The following KIF15 variants were observed in gnomAD, a reference collection of about 807,000 sequenced individuals.
KIF15 encodes the protein kinesin-like protein KIF15.
A neutral mutation model predicts 190.6 loss-of-function variants in KIF15; 140 were observed. The ratio of observed to expected loss-of-function variants is 0.73; its 90% CI spans 0.64 to 0.84. The LOEUF (loss-of-function observed/expected upper bound fraction) is 0.84, where lower values mean the gene tolerates loss of function less well. KIF15 is among the 40% of genes least tolerant of loss of function. The probability of loss-of-function intolerance (pLI) is 0.00; values close to 1 mark genes in which losing one functional copy is unlikely to be tolerated. For missense variants in KIF15, 1,372 were observed against 1,584.4 expected (o/e 0.87, Z 2.28); for synonymous variants, 528 against 551.3 (o/e 0.96, Z 0.59).
intron 2 of KIF15, among the ~76,000 whole-genome samples, chr3:44,774,894 G>A (rs962461183): frequency 6.6e-6 from 1 of 152,170 alleles, no homozygotes; most frequent in African/African-American, 2.4e-5. Flanking sequence ...GAGGTCAGGA[G>A]TTCAAGATCA....
At chr3:44,845,403 G>T (rs1027926545) in intron 30 of KIF15, among the ~76,000 whole-genome samples, 1 of 152,076 alleles carries the variant, frequency 6.6e-6, no homozygotes, top group Non-Finnish European at 1.5e-5. Context: ...AATGATGGAA[G>T]CAGTTTTGGA....
chr3:44,789,349 C>T (rs1706560341), intron 7 of KIF15, among the ~76,000 whole-genome samples: 2 of 151,534 alleles, frequency 1.3e-5, no homozygotes, highest in South Asian at 2.1e-4. Flanking sequence ...AATTCCAAAG[C>T]GTGTGAGGAT....
chr3:44,816,982 T>C (rs1166380647), intron 20 of KIF15, among the ~76,000 whole-genome samples: 1 of 152,252 alleles, frequency 6.6e-6, no homozygotes, highest in Non-Finnish European at 1.5e-5. Context: ...ATTTATCTGA[T>C]GACCAGTGAT....
At chr3:44,799,328 A>T in intron 10 of KIF15, 2 of 456,702 alleles carry the variant, frequency 4.4e-6, no homozygotes, top group South Asian at 3.1e-5. Flanking sequence ...AAAGTGCCAG[A>T]GTATCTGGGA....
intron 13 of KIF15, among the ~76,000 whole-genome samples, chr3:44,802,277 A>G (rs1225040994): frequency 6.6e-6 from 1 of 152,180 alleles, no homozygotes; most frequent in East Asian, 1.9e-4. Context: ...TGTGCCTTTT[A>G]ACGTTTTTGT....
intron 8 of KIF15, among the ~76,000 whole-genome samples, chr3:44,797,237 C>G (rs983617386): frequency 1.8e-4 from 28 of 152,128 alleles, no homozygotes; most frequent in Non-Finnish European, 2.9e-4. Context: ...CCATGTTGCC[C>G]AGGCTGGTAT....
chr3:44,848,065 T>A lies in KIF15; in HGVS notation c.3768+8T>A. The A allele has an allele frequency of 1.9e-6, 3 of 1,549,362 alleles. No individual in the cohort carries two copies. The highest frequency in any genetic ancestry group is 2.7e-6 in the Non-Finnish European group (3 of 1,123,888). On this transcript the variant is annotated splice_region_variant and intron_variant, in intron 31 of 34. Coordinates refer to ENST00000326047, the MANE Select transcript of KIF15 (RefSeq NM_020242.3). ...AAAGAAAGACTTGCAAAAGTAAGAT[T>A]TTTTTTTATGTAATAGTTTCTTCTT...
chr3:44,829,902 T>C, intron 24 of KIF15, 69 bp from the exon 25 acceptor site: 2 of 713,266 alleles, frequency 2.8e-6, no homozygotes, highest in Non-Finnish European at 2.1e-6. Context: ...AGATAAGTGA[T>C]TTACCATTTA....
At chr3:44,815,850 G>C (rs1708010020) in intron 20 of KIF15, among the ~76,000 whole-genome samples, 1 of 152,142 alleles carries the variant, frequency 6.6e-6, no homozygotes, top group African/African-American at 2.4e-5. Context: ...CACTGTGAAT[G>C]TGATGTGAAT....
At chr3:44,857,144 A>G (rs1036358950), downstream of KIF15, among the ~76,000 whole-genome samples, 3 of 152,196 alleles carry the variant, frequency 2.0e-5, no homozygotes, top group African/African-American at 4.8e-5. Flanking sequence ...AGATACAGTC[A>G]TGGGGGTCTA....
intron 3 of KIF15, 26 bp downstream of exon 3, chr3:44,775,463 T>C: frequency 9.9e-7 from 1 of 1,011,916 alleles, no homozygotes; most frequent in East Asian, 5.6e-5. Context: ...AACTTAACTT[T>C]TTTTTTTTTT....
intron 6 of KIF15, among the ~76,000 whole-genome samples, chr3:44,868,340 A>G (rs1699342477): frequency 6.6e-6 from 1 of 151,918 alleles, no homozygotes. Flanking sequence ...GATCTACCAC[A>G]TTATGTTTAT....
In KIF15 at chr3:44,805,855, C is replaced by G; in HGVS notation, c.1840C>G (p.Leu614Val). 1 of 1,612,818 alleles carries G rather than the reference C, an allele frequency of 6.2e-7. No individual in the cohort carries two copies. Among genetic ancestry groups the G allele is most frequent in the East Asian group, 2.2e-5 (1 of 44,864 alleles). ...EFKELTRKRQ[L>V]ELESELQSLQ... ...TACAATATCTATTAGGAAAAGGCAGCTAGAATTGGAATCAGAGCTTCAGTC... is the reference window on the plus strand; with the variant it reads ...TACAATATCTATTAGGAAAAGGCAGGTAGAATTGGAATCAGAGCTTCAGTC... The change falls in exon 16 of 35, where the codon CTA becomes GTA. Residue 614 changes from leucine to valine, a missense_variant. Leu to Val is a conservative substitution (Grantham distance 32). Transcript: ENST00000326047.
intron 8 of KIF15, among the ~76,000 whole-genome samples, chr3:44,794,789 G>A (rs371670323): frequency 9.2e-5 from 14 of 152,040 alleles, no homozygotes; most frequent in African/African-American, 2.4e-4. Flanking sequence ...GTGAAATCCC[G>A]TCTCTACTAA....
At chr3:44,836,193 A>G (rs1310854414) in intron 26 of KIF15, among the ~76,000 whole-genome samples, 1 of 152,056 alleles carries the variant, frequency 6.6e-6, no homozygotes, top group East Asian at 1.9e-4. Context: ...CTAAAAATAC[A>G]AAAATTAGAA....
At chr3:44,789,707 A>G (rs1225277632) in intron 7 of KIF15, among the ~76,000 whole-genome samples, 1 of 144,594 alleles carries the variant, frequency 6.9e-6, no homozygotes. Flanking sequence ...AGATACATAC[A>G]CATATGGAAA....
intron 19 of KIF15, among the ~76,000 whole-genome samples, chr3:44,814,371 G>A (rs575890949): frequency 6.6e-6 from 1 of 152,182 alleles, no homozygotes; most frequent in African/African-American, 2.4e-5. Context: ...TGCAGTGGGT[G>A]CAATCTCGGC....
chr3:44,822,948 G>A (rs1444842365), intron 20 of KIF15, among the ~76,000 whole-genome samples: 1 of 152,130 alleles, frequency 6.6e-6, no homozygotes, highest in Non-Finnish European at 1.5e-5. Flanking sequence ...CATTGGGTTT[G>A]AACATGGTCC....
chr3:44,810,952 T>C lies in KIF15; in HGVS notation c.2078T>C (p.Ile693Thr), dbSNP rs762043741. 3 of 1,613,482 alleles carry C rather than the reference T, an allele frequency of 1.9e-6. No individual in the cohort carries two copies. The highest frequency in any genetic ancestry group is 2.5e-6 in the Non-Finnish European group (3 of 1,179,718). The change falls in exon 17 of 35, where the codon ATA becomes ACA. Residue 693 changes from isoleucine to threonine, a missense_variant. Transcript: ENST00000326047. ...TCTCTATACACTCAGAATTCTAGCA[T>C]ATTAGATAATGATATATTAAATGAG... ...FGSLYTQNSS[I>T]LDNDILNEPV...
Sources: gnomAD v4.1 joint callset for allele counts (sites outside exome capture counted in the v4.1 genomes callset) on GRCh38, gnomAD v4.1.1 for gene constraint, MANE v1.5 for transcripts, NCBI Gene and HGNC (gene_info 2026-07-23, HGNC 2026-07-21) for gene names.